The following KCNIP2 variants were observed in gnomAD, a reference collection of about 807,000 sequenced individuals.
The protein encoded by KCNIP2 is A-type potassium channel modulatory protein KCNIP2.
KCNIP2 carries 19 observed loss-of-function variants against 39.0 expected under a neutral mutation model. The observed-to-expected ratio is 0.49, with a 90% CI of 0.34 to 0.71. KCNIP2 has a LOEUF of 0.71. KCNIP2 is among the 30% of genes least tolerant of loss of function. The pLI is 0.01. For missense variants in KCNIP2, 261 were observed against 346.0 expected (o/e 0.75, Z 1.95); for synonymous variants, 111 against 131.2 (o/e 0.85, Z 1.05).
chr10:101,827,542 G>T, intron 9 of KCNIP2, 142 bp from the exon 10 acceptor site: 1 of 1,289,434 alleles, frequency 7.8e-7, no homozygotes, highest in Non-Finnish European at 1.1e-6. Flanking sequence ...CCTGAGGTAG[G>T]GAAGGGGTAA....
intron 1 of KCNIP2, among the ~76,000 whole-genome samples, chr10:101,841,971 T>A (rs2135217109): frequency 6.6e-6 from 1 of 152,274 alleles, no homozygotes; most frequent in Middle Eastern, 3.4e-3. Flanking sequence ...TCTGGCATGG[T>A]CTCTCATCTG....
rs1174609807 is a variant in KCNIP2, at chr10:101,826,516, T to G, written c.*837A>C. 6.6e-6 allele frequency: 1 copy of G among 151,524 alleles called. No individual in the cohort carries two copies. Among genetic ancestry groups the G allele is most frequent in the African/African-American group, 2.4e-5 (1 of 41,106 alleles). The allele number at this position is 151,524 out of a possible 1,614,324, so 9.4% of individuals were successfully genotyped here. A position where few individuals can be genotyped will look rare whatever the true frequency, so the allele number is the denominator to read the frequency against. On this transcript the variant is annotated 3_prime_UTR_variant, in exon 10 of 10. Coordinates refer to ENST00000356640, the MANE Select transcript of KCNIP2 (RefSeq NM_173191.3). ...AAACAGGGACGATAAGCAAGGAGGG[T>G]GGGATGAAATTTTGGCAGGCATCAG...
At position 101,829,858 on chromosome 10, in the gene KCNIP2, C is replaced by T. The variant is rs929916944; in HGVS notation, c.209G>A (p.Arg70His). Residue 70 changes from arginine to histidine, a missense_variant, in exon 3 of 10, where the codon CGC becomes CAC. Physicochemically the swap from Arg to His is conservative, Grantham distance 29. Transcript: ENST00000356640. ...GCGTAAGTCACCTGGGTCCAGCAGG[C>T]GGGGTCTGTGGGGGCGGAGGGAGGC... ...APASLRPHRP[R>H]LLDPDSVDDE... 62 of 1,487,788 alleles carry T rather than the reference C, an allele frequency of 4.2e-5. No individual in the cohort carries two copies. The highest frequency in any genetic ancestry group is 8.3e-5 in the East Asian group (3 of 35,958). 92.2% of individuals were successfully genotyped at this position (1,487,788 alleles called of 1,614,324 possible). A position where few individuals can be genotyped will look rare whatever the true frequency, so the allele number is the denominator to read the frequency against.
intron 1 of KCNIP2, among the ~76,000 whole-genome samples, chr10:101,842,791 C>T (rs1329770311): frequency 6.6e-6 from 1 of 152,178 alleles, no homozygotes; most frequent in Admixed American, 6.5e-5. Context: ...GTCATAGACA[C>T]TCACAGAGCC....
At chr10:101,831,012 T>G in intron 2 of KCNIP2, 60 bp downstream of exon 2, 1 of 1,419,756 alleles carries the variant, frequency 7.0e-7, no homozygotes, top group Non-Finnish European at 9.8e-7. Context: ...CACACACTCA[T>G]GCACAGACAC....
chr10:101,828,069 TG>T lies in KCNIP2; in HGVS notation c.598-77del. The T allele has an allele frequency of 6.5e-7, 1 of 1,535,870 alleles. No homozygotes were observed. Among genetic ancestry groups the T allele is most frequent in the Non-Finnish European group, 9.0e-7 (1 of 1,108,788 alleles). Reference sequence around the variant, plus strand: ...TTGATCCCTTGCTTGTGGGCATATGTGGGTCATATTTCCCTCCCATCACCCT... The same window carrying T: ...TTGATCCCTTGCTTGTGGGCATATGTGGTCATATTTCCCTCCCATCACCCT... On this transcript the variant is annotated intron_variant, in intron 7 of 9. Coordinates refer to ENST00000356640, the MANE Select transcript of KCNIP2 (RefSeq NM_173191.3). The surrounding 1 kb of genome is among the most constrained non-coding windows in gnomAD (Gnocchi z 6.6).
chr10:101,833,656 C>T (rs1212610478), intron 1 of KCNIP2, among the ~76,000 whole-genome samples: 1 of 152,150 alleles, frequency 6.6e-6, no homozygotes, highest in African/African-American at 2.4e-5. Context: ...CACAAAGCCA[C>T]ATGCCCTGTC....
intron 1 of KCNIP2, among the ~76,000 whole-genome samples, chr10:101,840,057 CG>C (rs71016350): frequency 0.49 from 44,562 of 90,510 alleles, 8,630 homozygotes; most frequent in East Asian, 0.7. Context: ...AGTTCCTGGA[CG>C]GGGGGGGGGG....
rs1181266192 is a variant in KCNIP2 at position 101,827,934 on chromosome 10, T to C, written c.657A>G (p.Ala219=). 6.2e-7 allele frequency: 1 copy of C among 1,614,020 alleles called. No homozygotes were observed. The highest frequency in any genetic ancestry group is 1.1e-5 in the South Asian group (1 of 91,076). The change falls in exon 8 of 10, where the codon GCA becomes GCG. Residue 219 remains alanine, a synonymous_variant. Transcript: ENST00000356640. ...GTTCCCTTGGGGCCTCCTCCCGGAG[T>C]GCAGGGTACGTGTACTTGCCCATCA... is the stretch of plus-strand genomic sequence containing the variant. ...YDMMGKYTYP[A]LREEAPREHV...
intron 1 of KCNIP2, among the ~76,000 whole-genome samples, chr10:101,836,988 G>T (rs368362012): frequency 1.3e-5 from 2 of 152,070 alleles, no homozygotes; most frequent in African/African-American, 4.8e-5. Flanking sequence ...AATTAGCCTG[G>T]CGTGGTGGCA....
In KCNIP2 at chr10:101,828,990, C is replaced by T. The variant is rs2065858561; in HGVS notation, c.348+85G>A. 6.4e-7 allele frequency: 1 copy of T among 1,567,592 alleles called. No individual in the cohort carries two copies. Among genetic ancestry groups the T allele is most frequent in the African/African-American group, 1.3e-5 (1 of 74,132 alleles). Reference sequence around the variant, plus strand: ...TCCCTTCCGCCCACACCTCAAGCATCCAAGCCATGCTTTCTGGGAAGCTGT... The same window carrying T: ...TCCCTTCCGCCCACACCTCAAGCATTCAAGCCATGCTTTCTGGGAAGCTGT... On this transcript the variant is annotated intron_variant, in intron 4 of 9. Transcript: ENST00000356640. The surrounding 1 kb of genome is among the most constrained non-coding windows in gnomAD (Gnocchi z 6.6).
rs1410519629 is a variant in KCNIP2 at position 101,839,701 on chromosome 10, C to T, written c.73+3795G>A. 5.8e-6 allele frequency: 9 copies of T among 1,561,326 alleles called. No individual in the cohort carries two copies. The East Asian group carries it at 1.1e-4, about 20-fold the overall frequency. ...CTACCTCTGCGGAGCTCCTAACCCACTTCGCTCACTTTTTGAAGGATCCTG... is the reference window on the plus strand; with the variant it reads ...CTACCTCTGCGGAGCTCCTAACCCATTTCGCTCACTTTTTGAAGGATCCTG... On this transcript the variant is annotated intron_variant, in intron 1 of 9. Transcript: ENST00000356640.
rs775190231 is a variant in KCNIP2 at position 101,843,552 on chromosome 10, C to T, written c.17G>A (p.Arg6His). 1.2e-5 allele frequency: 18 copies of T among 1,559,122 alleles called. No homozygotes were observed. The Admixed American group carries it at 2.8e-4, about 24-fold the overall frequency. The change falls in exon 1 of 10, where the codon CGC (arginine) becomes CAC (histidine). Residue 6 changes from arginine to histidine, a missense_variant. Coordinates refer to ENST00000356640, the MANE Select transcript of KCNIP2 (RefSeq NM_173191.3). This position sits in a 1 kb window ranked among gnomAD's most constrained non-coding sequence, Gnocchi z 6.7. ...TCGGGAATCGGACAAACTCTCCTTGCGGCCCTGGCCCCGCATGGCCCCCGG... is the reference window on the plus strand; with the variant it reads ...TCGGGAATCGGACAAACTCTCCTTGTGGCCCTGGCCCCGCATGGCCCCCGG... MRGQGRKESLSDSRDL... is the reference protein window; with the variant it reads MRGQGHKESLSDSRDL...
rs1480586295 is a variant in KCNIP2, at chr10:101,827,362, A to G, written c.804T>C (p.Asn268=). The change falls in exon 10 of 10, where the codon AAT becomes AAC. Residue 268 remains asparagine (N), a synonymous_variant. Transcript: ENST00000356640. ...CCCCCTCTCCTGGGGGCTAGATGACATTGTCAAAGAGCTGCATGGACCTCA... is the reference window on the plus strand; with the variant it reads ...CCCCCTCTCCTGGGGGCTAGATGACGTTGTCAAAGAGCTGCATGGACCTCA... ...NIMRSMQLFD[N]VI is the part of the protein sequence containing the mutation. 7 of 1,603,980 alleles carry G rather than the reference A, an allele frequency of 4.4e-6. No homozygotes were observed. In the South Asian group the frequency reaches 4.4e-5, roughly 10 times the overall value.
Position 101,828,571 on chromosome 10 carries a change from T to C in KCNIP2, c.418+56A>G. 1 of 1,602,142 alleles carries C rather than the reference T, an allele frequency of 6.2e-7. No homozygotes were observed. The highest frequency in any genetic ancestry group is 8.5e-7 in the Non-Finnish European group (1 of 1,169,866). ...GCATTCCCAGCTCCTCCAGAATCCC[T>C]CCCTCCCTCAGCCTAGAGAAGGACA... On this transcript the variant is annotated intron_variant, in intron 5 of 9. Transcript: ENST00000356640. This position sits in a 1 kb window ranked among gnomAD's most constrained non-coding sequence, Gnocchi z 6.6.
rs2066403125 is a variant in KCNIP2, at chr10:101,843,757, C to T, written c.-189G>A. On this transcript the variant is annotated 5_prime_UTR_variant, in exon 1 of 10. Coordinates refer to ENST00000356640, the MANE Select transcript of KCNIP2 (RefSeq NM_173191.3). This position sits in a 1 kb window ranked among gnomAD's most constrained non-coding sequence, Gnocchi z 6.7. ...GGAGGTCCTGGAGCAGGAGAGGGAA[C>T]ACTAGGCAGCAGGTGAGCGCAGAGC... 2.5e-6 allele frequency: 1 copy of T among 392,718 alleles called. No individual in the cohort carries two copies. Among genetic ancestry groups the T allele is most frequent in the Non-Finnish European group, 4.5e-6 (1 of 221,716 alleles). The allele number at this position is 392,718 out of a possible 1,614,324, so 24.3% of individuals were successfully genotyped here.
At chr10:101,832,871 C>A (rs2066042298) in intron 1 of KCNIP2, among the ~76,000 whole-genome samples, 1 of 152,168 alleles carries the variant, frequency 6.6e-6, no homozygotes, top group Non-Finnish European at 1.5e-5. Context: ...CCTCTCTTCC[C>A]CCTTTCCCAT....
In KCNIP2 at chr10:101,834,211, G is replaced by T. The variant is rs2066077988; in HGVS notation, c.74-3044C>A. The T allele has an allele frequency of 2.0e-5, 8 of 399,122 alleles. No individual in the cohort carries two copies. In the East Asian group the frequency reaches 2.8e-4, roughly 14 times the overall value. The allele number at this position is 399,122 out of a possible 1,614,324, so 24.7% of individuals were successfully genotyped here. ...ACAGACAAACACCCTCCCTAGTGCT[G>T]TGGGGCAGCTGCCCCACCAGCCAGC... On this transcript the variant is annotated intron_variant, in intron 1 of 9. Transcript: ENST00000356640.
At chr10:101,831,705 C>T (rs1204681665) in intron 1 of KCNIP2, among the ~76,000 whole-genome samples, 1 of 152,086 alleles carries the variant, frequency 6.6e-6, no homozygotes, top group African/African-American at 2.4e-5. Flanking sequence ...CAAATGTGAC[C>T]TAAGTAAAAC....
Sources: allele counts gnomAD v4.1 joint callset (sites outside exome capture counted in the v4.1 genomes callset), GRCh38; gene constraint gnomAD v4.1.1; non-coding constraint Gnocchi (gnomAD v3.1); transcripts MANE v1.5; gene names NCBI Gene and HGNC (gene_info 2026-07-23, HGNC 2026-07-21).